Variants in UBE2Q2 observed in about 807,000 individuals in gnomAD.
UBE2Q2 encodes ubiquitin conjugating enzyme E2 Q2.
In UBE2Q2, 54 loss-of-function variants were observed where a neutral mutation model predicts 59.9. That is an observed-to-expected ratio of 0.90 (90% CI 0.72 to 1.13). The LOEUF is 1.13. UBE2Q2 is among the 50% of genes most tolerant of loss of function. UBE2Q2 has a pLI of 0.00. For synonymous variants in UBE2Q2, 165 were observed against 155.2 expected, an observed-to-expected ratio of 1.06 and a Z score of -0.47; for missense variants, 433 against 441.9, an observed-to-expected ratio of 0.98 and a Z score of 0.18.
intron 11 of UBE2Q2, among the ~76,000 whole-genome samples, chr15:75,893,300 A>G (rs948944907): frequency 6.6e-6 from 1 of 152,364 alleles, no homozygotes; most frequent in African/African-American, 2.4e-5. Flanking sequence ...TACATTAACT[A>G]GAAACAAATG....
At position 75,857,301 on chromosome 15, in the gene UBE2Q2, G is replaced by A. The variant is rs150419757; in HGVS notation, c.283-2577G>A. 4.0e-4 allele frequency among the ~76,000 whole-genome samples: 61 copies of A among 152,136 alleles called. 1 individual carries two copies. Among genetic ancestry groups the A allele is most frequent in the Middle Eastern group, 3.4e-3 (1 of 292 alleles). ...TTGCTTCTGAAGATCTAAAGATAACGGTTTTGTAATAGCAAAAATGAGTTA... is the reference window on the plus strand; with the variant it reads ...TTGCTTCTGAAGATCTAAAGATAACAGTTTTGTAATAGCAAAAATGAGTTA... On this transcript the variant is annotated intron_variant, in intron 2 of 12. Coordinates refer to ENST00000267938, the MANE Select transcript of UBE2Q2 (RefSeq NM_173469.4).
At chr15:75,860,042 A>C (rs1897130850) in intron 3 of UBE2Q2, 60 bp downstream of exon 3, 1 of 1,194,592 alleles carries the variant, frequency 8.4e-7, no homozygotes, top group Admixed American at 2.4e-5. Context: ...CAAAAGTCAA[A>C]CTAGGATGAT....
rs1899686234 is a variant in UBE2Q2, at chr15:75,900,344, TA to T, written c.*888del. The stretch of plus-strand genomic sequence containing the variant: ...GTGCAGTTAAGTACAAAAAGATACT[TA>T]ATTTGGAGACTCTTACAGTAATTTT... On this transcript the variant is annotated 3_prime_UTR_variant, in exon 13 of 13. Coordinates refer to ENST00000267938, the MANE Select transcript of UBE2Q2 (RefSeq NM_173469.4). 6.6e-6 allele frequency: 1 copy of T among 152,596 alleles called. No individual in the cohort carries two copies. The highest frequency in any genetic ancestry group is 2.4e-5 in the African/African-American group (1 of 41,450). 9.5% of individuals were successfully genotyped at this position (152,596 alleles called of 1,614,324 possible). A position where few individuals can be genotyped will look rare whatever the true frequency, so the allele number is the denominator to read the frequency against.
At chr15:75,854,544 T>TTTC in intron 2 of UBE2Q2, 57 bp downstream of exon 2, 1 of 1,061,560 alleles carries the variant, frequency 9.4e-7, no homozygotes, top group Non-Finnish European at 1.4e-6. Flanking sequence ...CATATAGAAA[T>TTTC]TAAATGTTAA....
chr15:75,895,006 G>C (rs1899319316), intron 11 of UBE2Q2: 1 of 151,750 alleles, frequency 6.6e-6, no homozygotes, highest in Admixed American at 6.6e-5. Flanking sequence ...CTAACACGGT[G>C]AAACCCTGTC....
chr15:75,844,723 G>C lies in UBE2Q2; in HGVS notation c.180+877G>C, dbSNP rs1383641674. 5 of 386,292 alleles carry C rather than the reference G, an allele frequency of 1.3e-5. No individual in the cohort carries two copies. The South Asian group carries it at 1.9e-4, about 15-fold the overall frequency. 23.9% of individuals were successfully genotyped at this position (386,292 alleles called of 1,614,324 possible). On this transcript the variant is annotated intron_variant, in intron 1 of 12. Transcript: ENST00000267938. Reference sequence around the variant, plus strand: ...AAAGTGTATCGTGAAGCTATTCGTCGTGAAATTGATGTAGGATATTGGTCC... The same window carrying C: ...AAAGTGTATCGTGAAGCTATTCGTCCTGAAATTGATGTAGGATATTGGTCC...
In UBE2Q2 at chr15:75,900,421, CAT is replaced by C. The variant is rs1899690977; in HGVS notation, c.*966_*967del. 6.6e-6 allele frequency: 1 copy of C among 152,590 alleles called. No individual in the cohort carries two copies. Among genetic ancestry groups the C allele is most frequent in the Non-Finnish European group, 1.5e-5 (1 of 68,026 alleles). The allele number at this position is 152,590 out of a possible 1,614,324, so 9.5% of individuals were successfully genotyped here. A position where few individuals can be genotyped will look rare whatever the true frequency, so the allele number is the denominator to read the frequency against. On this transcript the variant is annotated 3_prime_UTR_variant, in exon 13 of 13. Transcript: ENST00000267938. ...CATTGAAAGATTAATAGAAACTCTA[CAT>C]ATGTTAATTTTTTTATAGAACCTGA...
chr15:75,878,041 T>G lies in UBE2Q2; in HGVS notation c.734+20T>G. On this transcript the variant is annotated intron_variant, in intron 7 of 12. Transcript: ENST00000267938. ...GCAGAAGTAAGTGGCTTTTTAATGC[T>G]CACCCACTCTTTGCAATGGTAGACT... 2.5e-6 allele frequency: 4 copies of G among 1,609,964 alleles called. No individual in the cohort carries two copies. The highest frequency in any genetic ancestry group is 3.4e-6 in the Non-Finnish European group (4 of 1,176,596).
chr15:75,876,273 T>C lies in UBE2Q2; in HGVS notation c.673+2T>C. On this transcript the variant is annotated splice_donor_variant, in intron 6 of 12. Transcript: ENST00000267938. LOFTEE classifies it high-confidence loss of function. ...ACAGATCACAGAGTTATAAAACAGG[T>C]AAGGATCTCTGGATCCCTGCTCTCT... 6.2e-7 allele frequency: 1 copy of C among 1,610,754 alleles called. No individual in the cohort carries two copies. Among genetic ancestry groups the C allele is most frequent in the South Asian group, 1.1e-5 (1 of 90,794 alleles).
At chr15:75,860,567 CT>C (rs1393329742) in intron 3 of UBE2Q2, among the ~76,000 whole-genome samples, 1 of 151,960 alleles carries the variant, frequency 6.6e-6, no homozygotes. Flanking sequence ...ATCATTAGGA[CT>C]TTGTAGAGTA....
chr15:75,858,603 G>GA (rs1359198197), intron 2 of UBE2Q2, among the ~76,000 whole-genome samples: 2 of 152,114 alleles, frequency 1.3e-5, no homozygotes, highest in Admixed American at 6.5e-5. Flanking sequence ...GGGAAGGGAG[G>GA]AAAATTGAAA....
At chr15:75,847,196 T>C (rs1332733961) in intron 1 of UBE2Q2, among the ~76,000 whole-genome samples, 1 of 152,214 alleles carries the variant, frequency 6.6e-6, no homozygotes, top group Non-Finnish European at 1.5e-5. Context: ...TCATAAATAT[T>C]TGAGTATATA....
chr15:75,877,887 G>C (rs1235074057), intron 6 of UBE2Q2, 74 bp from the exon 7 acceptor site: 5 of 1,377,392 alleles, frequency 3.6e-6, no homozygotes, highest in Non-Finnish European at 5.0e-6. Context: ...TGGCTATTTA[G>C]TGTATACATT....
intron 1 of UBE2Q2, 147 bp from the exon 2 acceptor site, chr15:75,854,239 T>C (rs1896786815): frequency 1.9e-6 from 1 of 531,412 alleles, no homozygotes; most frequent in African/African-American, 2.0e-5. Context: ...AAAGTCCAGC[T>C]CCTCACAAGG....
At chr15:75,888,681 C>G (rs1409558837) in intron 9 of UBE2Q2, among the ~76,000 whole-genome samples, 2 of 152,162 alleles carry the variant, frequency 1.3e-5, no homozygotes, top group Non-Finnish European at 2.9e-5. Flanking sequence ...GGTGTCGATG[C>G]TGCTGAAAGT....
At chr15:75,860,972 T>C (rs536566872) in intron 3 of UBE2Q2, among the ~76,000 whole-genome samples, 1 of 152,370 alleles carries the variant, frequency 6.6e-6, no homozygotes, top group Non-Finnish European at 1.5e-5. Context: ...GTTTGGTTTT[T>C]GGAGCCAGAC....
intron 11 of UBE2Q2, 152 bp downstream of exon 11, chr15:75,891,166 A>G (rs1347463260): frequency 8.4e-6 from 5 of 596,930 alleles, no homozygotes; most frequent in Non-Finnish European, 1.4e-5. Flanking sequence ...TATAGAAAAT[A>G]TGGAATTATA....
chr15:75,878,285 A>C (rs1305446966), intron 7 of UBE2Q2: 2 of 428,408 alleles, frequency 4.7e-6, no homozygotes, highest in Non-Finnish European at 8.3e-6. Context: ...TAAAAACAAA[A>C]GTGTATTTAA....
At position 75,843,527 on chromosome 15, in the gene UBE2Q2, G is replaced by A; in HGVS notation, c.-140G>A. 2.2e-6 allele frequency: 1 copy of A among 455,334 alleles called. No individual in the cohort carries two copies. The highest frequency in any genetic ancestry group is 3.3e-6 in the Non-Finnish European group (1 of 302,478). The allele number at this position is 455,334 out of a possible 1,614,324, so 28.2% of individuals were successfully genotyped here. On this transcript the variant is annotated 5_prime_UTR_variant, in exon 1 of 13. Coordinates refer to ENST00000267938, the MANE Select transcript of UBE2Q2 (RefSeq NM_173469.4). The stretch of plus-strand genomic sequence containing the variant: ...GCGCCCCTCGCCATTTTCCAGCAGC[G>A]CTCGACGAGGCGGAGCCGCGAGAGC...
Sources: gnomAD v4.1 joint callset for allele counts (sites outside exome capture counted in the v4.1 genomes callset) on GRCh38, gnomAD v4.1.1 for gene constraint, MANE v1.5 for transcripts, NCBI Gene and HGNC (gene_info 2026-07-23, HGNC 2026-07-21) for gene names.